HIGD2B: variants seen among roughly 807,000 people sequenced by gnomAD.
The protein encoded by HIGD2B is HIG1 domain family member 2B.
For synonymous variants in HIGD2B, 45 were observed against 28.1 expected (o/e 1.60, Z -1.90); for missense variants, 106 against 67.0 (o/e 1.58, Z -2.03).
intron 1 of HIGD2B, among the ~76,000 whole-genome samples, chr15:72,681,669 C>T (rs1170379626): frequency 6.8e-6 from 1 of 146,932 alleles, no homozygotes; most frequent in East Asian, 2.0e-4. Context: ...AGTGGTGGCG[C>T]GATCTCATCT....
chr15:72,679,061 A>G (rs190171376), intron 2 of HIGD2B, among the ~76,000 whole-genome samples: 1 of 148,828 alleles, frequency 6.7e-6, no homozygotes, highest in Non-Finnish European at 1.5e-5. Flanking sequence ...AAGAAAAAAG[A>G]AAAAAAAAAG....
intron 2 of HIGD2B, among the ~76,000 whole-genome samples, chr15:72,679,583 A>G (rs940640067): frequency 6.6e-6 from 1 of 152,138 alleles, no homozygotes; most frequent in African/African-American, 2.4e-5. Flanking sequence ...CTTACTAACT[A>G]TGGATTATTT....
At chr15:72,685,073 A>G (rs921020633) in intron 1 of HIGD2B, among the ~76,000 whole-genome samples, 1 of 152,180 alleles carries the variant, frequency 6.6e-6, no homozygotes, top group Non-Finnish European at 1.5e-5. Context: ...GTCTCATGGG[A>G]TTGTTATAAA....
chr15:72,686,127 C>A lies in HIGD2B; in HGVS notation c.-502G>T. 8.0e-7 allele frequency: 1 copy of A among 1,257,114 alleles called. No individual in the cohort carries two copies. Among genetic ancestry groups the A allele is most frequent in the Non-Finnish European group, 1.1e-6 (1 of 889,878 alleles). 77.9% of individuals were successfully genotyped at this position (1,257,114 alleles called of 1,614,324 possible). ...AGGTCACTCGGCGATTTACTTCCTT[C>A]CCCCGCTTCCTCACAGTCCTCCACA... is the stretch of plus-strand genomic sequence containing the variant. On this transcript the variant is annotated 5_prime_UTR_variant, in exon 1 of 3. Transcript: ENST00000311755.
At chr15:72,683,046 A>T in intron 1 of HIGD2B, 1 of 185,030 alleles carries the variant, frequency 5.4e-6, no homozygotes, top group Non-Finnish European at 1.2e-5. Flanking sequence ...TGCTCTGAAA[A>T]AGGAGACGTA....
chr15:72,683,517 G>A (rs1193522484), intron 1 of HIGD2B, among the ~76,000 whole-genome samples: 1 of 149,720 alleles, frequency 6.7e-6, no homozygotes, highest in African/African-American at 2.5e-5. Flanking sequence ...CGCCCATGAA[G>A]AGGACTGGAA....
At chr15:72,684,882 C>G (rs1247978094) in intron 1 of HIGD2B, among the ~76,000 whole-genome samples, 4 of 152,124 alleles carry the variant, frequency 2.6e-5, no homozygotes, top group Non-Finnish European at 5.9e-5. Context: ...CGCTTGGGTT[C>G]AAGTGATTCT....
chr15:72,681,700 G>A (rs1021700364), intron 1 of HIGD2B, among the ~76,000 whole-genome samples: 32 of 148,786 alleles, frequency 2.2e-4, no homozygotes, highest in African/African-American at 7.2e-4. Flanking sequence ...TCCACCTCCC[G>A]GGTTCAAGTG....
chr15:72,676,369 C>A lies in HIGD2B; in HGVS notation c.6G>T (p.Ala2=). 1.3e-6 allele frequency: 1 copy of A among 753,712 alleles called. No homozygotes were observed. Among genetic ancestry groups the A allele is most frequent in the South Asian group, 1.4e-5 (1 of 73,126 alleles). 46.7% of individuals were successfully genotyped at this position (753,712 alleles called of 1,614,324 possible). A position where few individuals can be genotyped will look rare whatever the true frequency, so the allele number is the denominator to read the frequency against. Reference sequence around the variant, plus strand: ...CCTCCGGAGTCACAAAGCCGAGAGTCGCCATGCCTAGGCCACAGCTGCAGG... The same window carrying A: ...CCTCCGGAGTCACAAAGCCGAGAGTAGCCATGCCTAGGCCACAGCTGCAGG... The part of the protein sequence containing the change: M[A]TLGFVTPEAP... Residue 2 remains alanine, a synonymous_variant, in exon 3 of 3, where the codon GCG becomes GCT. Transcript: ENST00000311755.
At chr15:72,681,189 G>A (rs776576687) in intron 1 of HIGD2B, among the ~76,000 whole-genome samples, 1 of 152,152 alleles carries the variant, frequency 6.6e-6, no homozygotes, top group Non-Finnish European at 1.5e-5. Context: ...AAGCAGAAGT[G>A]TAGACTTCTT....
chr15:72,677,859 G>T (rs1248154527), intron 2 of HIGD2B, among the ~76,000 whole-genome samples: 5 of 152,162 alleles, frequency 3.3e-5, no homozygotes, highest in African/African-American at 9.6e-5. Flanking sequence ...AAACAGAGCT[G>T]TATGGGAGAA....
intron 2 of HIGD2B, among the ~76,000 whole-genome samples, chr15:72,679,599 G>T (rs2064728093): frequency 1.3e-5 from 2 of 152,146 alleles, no homozygotes; most frequent in East Asian, 3.9e-4. Context: ...TATTTTAAAT[G>T]CACCAGATAC....
chr15:72,677,518 T>A (rs928864414), intron 2 of HIGD2B, among the ~76,000 whole-genome samples: 3 of 152,012 alleles, frequency 2.0e-5, no homozygotes, highest in Non-Finnish European at 4.4e-5. Context: ...TCCCAGCACC[T>A]TGGAAAGCTG....
chr15:72,680,732 C>T (rs1449977111), intron 1 of HIGD2B, among the ~76,000 whole-genome samples: 2 of 152,036 alleles, frequency 1.3e-5, no homozygotes, highest in African/African-American at 4.8e-5. Context: ...ACTAAAAATA[C>T]AAAAAATTAG....
At chr15:72,684,217 G>C (rs886918674) in intron 1 of HIGD2B, among the ~76,000 whole-genome samples, 3 of 152,204 alleles carry the variant, frequency 2.0e-5, no homozygotes, top group Admixed American at 6.5e-5. Context: ...TAGAAGTTCA[G>C]TGGCTCCGTT....
intron 2 of HIGD2B, among the ~76,000 whole-genome samples, chr15:72,677,773 A>C (rs2064708249): frequency 6.6e-6 from 1 of 151,828 alleles, no homozygotes; most frequent in Non-Finnish European, 1.5e-5. Context: ...TAAAAATTAA[A>C]AAAAAATAAA....
intron 1 of HIGD2B, among the ~76,000 whole-genome samples, chr15:72,685,331 T>C (rs1271903183): frequency 6.6e-6 from 1 of 152,192 alleles, no homozygotes; most frequent in East Asian, 1.9e-4. Flanking sequence ...TTGGGGCTAA[T>C]GTCAGTGCTC....
At chr15:72,676,970 G>A (rs1469034634) in intron 2 of HIGD2B, among the ~76,000 whole-genome samples, 1 of 152,168 alleles carries the variant, frequency 6.6e-6, no homozygotes, top group African/African-American at 2.4e-5. Flanking sequence ...GTAAAAGTGG[G>A]GAAGTCTAAA....
intron 2 of HIGD2B, among the ~76,000 whole-genome samples, chr15:72,678,077 A>G (rs1354184444): frequency 6.6e-6 from 1 of 152,218 alleles, no homozygotes; most frequent in Non-Finnish European, 1.5e-5. Flanking sequence ...CACTGACTGC[A>G]CTGGACAGGA....
Sources: allele counts gnomAD v4.1 joint callset (sites outside exome capture counted in the v4.1 genomes callset), GRCh38; gene constraint gnomAD v4.1.1; transcripts MANE v1.5; gene names NCBI Gene and HGNC (gene_info 2026-07-23, HGNC 2026-07-21).